GLB1: variants seen among roughly 807,000 people sequenced by gnomAD.
The protein encoded by GLB1 is beta-galactosidase.
In GLB1, 56 loss-of-function variants were observed where a neutral mutation model predicts 74.0. The observed-to-expected ratio is 0.76, with a 90% confidence interval of 0.61 to 0.94. GLB1 has a LOEUF of 0.94. Among genes scored for constraint, GLB1 ranks in the 40% least tolerant of loss-of-function variants. The pLI, the probability that GLB1 is intolerant of heterozygous loss-of-function variation, is 0.00. For synonymous variants in GLB1, 323 were observed against 323.6 expected (o/e 1.00, Z 0.02); for missense variants, 787 against 845.5 (o/e 0.93, Z 0.86).
At chr3:33,028,726 C>T (rs1180660372) in intron 10 of GLB1, among the ~76,000 whole-genome samples, 1 of 150,890 alleles carries the variant, frequency 6.6e-6, no homozygotes, top group Admixed American at 6.6e-5. Flanking sequence ...AGTGCAATGG[C>T]ACAATCTCGG....
At chr3:33,056,659 C>T (rs72856129) in intron 6 of GLB1, among the ~76,000 whole-genome samples, 12,251 of 152,088 alleles carry the variant, frequency 0.081, 1,153 homozygotes, top group East Asian at 0.48. Flanking sequence ...ATTCCCTTCA[C>T]CTAGATTTCC....
chr3:33,093,921 A>C lies in GLB1; in HGVS notation c.75+3090T>G. ...GAAACTGGAATGGGCCAGGGCCAGA[A>C]ATGCCAGAACCACCACCTTCCAAAG... On this transcript the variant is annotated intron_variant, in intron 1 of 15. Coordinates refer to ENST00000307363, the MANE Select transcript of GLB1 (RefSeq NM_000404.4). The surrounding 1 kb of genome is among the most constrained non-coding windows in gnomAD (Gnocchi z 6.0). 6.2e-7 allele frequency: 1 copy of C among 1,614,112 alleles called. No individual in the cohort carries two copies. Among genetic ancestry groups the C allele is most frequent in the Non-Finnish European group, 8.5e-7 (1 of 1,180,012 alleles).
At chr3:33,048,842 G>A (rs1188518145) in intron 9 of GLB1, among the ~76,000 whole-genome samples, 1 of 152,138 alleles carries the variant, frequency 6.6e-6, no homozygotes, top group African/African-American at 2.4e-5. Flanking sequence ...AACAGAAAAC[G>A]TGTGGACTTT....
intron 15 of GLB1, among the ~76,000 whole-genome samples, chr3:33,013,031 G>A (rs146431179): frequency 3.7e-4 from 56 of 152,272 alleles, no homozygotes; most frequent in African/African-American, 1.3e-3. Context: ...CTGCTTCAAT[G>A]GCTCTCAACA....
At chr3:33,002,362 T>TTCCC (rs1696614185) in intron 15 of GLB1, among the ~76,000 whole-genome samples, 2 of 72,896 alleles carry the variant, frequency 2.7e-5, no homozygotes, top group Non-Finnish European at 5.8e-5. Flanking sequence ...CCTTCCTTCC[T>TTCCC]TCCATCCTTC....
In GLB1 at chr3:33,013,123, C is replaced by T. The variant is rs576112019; in HGVS notation, c.1734+933G>A. On this transcript the variant is annotated intron_variant, in intron 15 of 15. Coordinates refer to ENST00000307363, the MANE Select transcript of GLB1 (RefSeq NM_000404.4). ...CTTTCCACACTTGACATTTTCCCCTCCAACCCCATGGCCTTTGCACAAGCT... is the reference window on the plus strand; with the variant it reads ...CTTTCCACACTTGACATTTTCCCCTTCAACCCCATGGCCTTTGCACAAGCT... 3.3e-5 allele frequency among the ~76,000 whole-genome samples: 5 copies of T among 152,318 alleles called. No individual in the cohort carries two copies. The East Asian group carries it at 9.6e-4, about 29-fold the overall frequency.
chr3:33,094,233 G>C, intron 1 of GLB1: 1 of 1,540,722 alleles, frequency 6.5e-7, no homozygotes, highest in Non-Finnish European at 8.7e-7. Context: ...CCAGTTCTGT[G>C]CTGGTGGACT....
chr3:33,063,896 C>T (rs1447912062), intron 5 of GLB1, among the ~76,000 whole-genome samples: 1 of 152,160 alleles, frequency 6.6e-6, no homozygotes, highest in Admixed American at 6.5e-5. Flanking sequence ...GACATCTCCT[C>T]CCACCACAAA....
intron 1 of GLB1, 65 bp downstream of exon 1, chr3:33,096,946 A>T: frequency 1.3e-6 from 2 of 1,576,646 alleles, no homozygotes; most frequent in South Asian, 2.3e-5. Flanking sequence ...CTGCGACCCC[A>T]GCCCGGTTCC....
the GLB1 span, among the ~76,000 whole-genome samples, chr3:32,984,483 A>C: frequency 3.9e-5 from 6 of 152,190 alleles, no homozygotes; most frequent in Non-Finnish European, 1.5e-5. Flanking sequence ...TTTGGATAAT[A>C]AAATGCAAAA....
intron 15 of GLB1, among the ~76,000 whole-genome samples, chr3:33,007,170 C>G (rs367871932): frequency 6.6e-6 from 1 of 152,188 alleles, no homozygotes; most frequent in Non-Finnish European, 1.5e-5. Context: ...GACCTTCACA[C>G]GCATTCAGTC....
the GLB1 span, among the ~76,000 whole-genome samples, chr3:32,977,893 G>T: frequency 4.6e-5 from 7 of 152,140 alleles, no homozygotes; most frequent in African/African-American, 1.2e-4. Context: ...AAAGCCCACA[G>T]AATTTTTTGC....
chr3:33,024,458 G>T (rs942371276), intron 10 of GLB1, 133 bp from the exon 11 acceptor site: 2 of 951,014 alleles, frequency 2.1e-6, no homozygotes, highest in Non-Finnish European at 3.1e-6. Context: ...AAAATCAAAG[G>T]AACTAGAGAC....
intron 1 of GLB1, among the ~76,000 whole-genome samples, chr3:33,079,216 A>G (rs1057435821): frequency 1.3e-5 from 2 of 152,156 alleles, no homozygotes; most frequent in African/African-American, 4.8e-5. Flanking sequence ...GACGTGAGGG[A>G]ACTTTCTGGG....
At position 33,093,436 on chromosome 3, in the gene GLB1, C is replaced by T. The variant is rs1413319478; in HGVS notation, c.75+3575G>A. Reference sequence around the variant, plus strand: ...AGAGGAGCGACAGCCGTCCGCAGGACCGAGGCTTCTGAGTCGGAGAGGTCA... The same window carrying T: ...AGAGGAGCGACAGCCGTCCGCAGGATCGAGGCTTCTGAGTCGGAGAGGTCA... On this transcript the variant is annotated intron_variant, in intron 1 of 15. Coordinates refer to ENST00000307363, the MANE Select transcript of GLB1 (RefSeq NM_000404.4). This position sits in a 1 kb window ranked among gnomAD's most constrained non-coding sequence, Gnocchi z 6.0. The T allele has an allele frequency of 2.2e-5, 36 of 1,613,992 alleles. No homozygotes were observed. Among genetic ancestry groups the T allele is most frequent in the Non-Finnish European group, 2.6e-5 (31 of 1,180,030 alleles).
chr3:33,070,992 C>T (rs1699867602), intron 2 of GLB1, among the ~76,000 whole-genome samples: 1 of 152,050 alleles, frequency 6.6e-6, no homozygotes, highest in African/African-American at 2.4e-5. Context: ...AAACTCCAAG[C>T]CCTAGATCCT....
intron 10 of GLB1, among the ~76,000 whole-genome samples, chr3:33,025,746 C>T (rs1697717433): frequency 1.3e-5 from 2 of 151,826 alleles, no homozygotes; most frequent in South Asian, 2.1e-4. Flanking sequence ...TGGGCCGTGG[C>T]GGTGGGAGCA....
intron 1 of GLB1, chr3:33,096,312 A>G: frequency 1.1e-6 from 1 of 884,380 alleles, no homozygotes; most frequent in Non-Finnish European, 1.4e-6. Context: ...TTCCTCTCCC[A>G]CCAACTGTGC....
At chr3:33,024,373 C>G in intron 10 of GLB1, 48 bp from the exon 11 acceptor site, 1 of 1,555,430 alleles carries the variant, frequency 6.4e-7, no homozygotes, top group Non-Finnish European at 8.7e-7. Context: ...AGTTGGTAAA[C>G]CTTCAGAAAC....
Sources: gnomAD v4.1 joint callset for allele counts (sites outside exome capture counted in the v4.1 genomes callset) on GRCh38, gnomAD v4.1.1 for gene constraint, Gnocchi (gnomAD v3.1) non-coding constraint, MANE v1.5 for transcripts, NCBI Gene and HGNC (gene_info 2026-07-23, HGNC 2026-07-21) for gene names.